IL4R: variants seen among roughly 807,000 people sequenced by gnomAD.
IL4R encodes the protein interleukin 4 receptor.
In IL4R, 17 loss-of-function variants were observed where a neutral mutation model predicts 41.5. That is an observed-to-expected ratio of 0.41 (90% CI 0.28 to 0.61). IL4R has a LOEUF of 0.61. IL4R is among the 20% of genes least tolerant of loss of function. The pLI is 0.31. For synonymous variants in IL4R, 402 were observed against 422.9 expected, an observed-to-expected ratio of 0.95 and a Z score of 0.61; for missense variants, 974 against 1,043.1, an observed-to-expected ratio of 0.93 and a Z score of 0.91.
intron 1 of IL4R, among the ~76,000 whole-genome samples, chr16:27,317,478 G>A (rs373856853): frequency 2.0e-5 from 3 of 152,270 alleles, no homozygotes; most frequent in Admixed American, 6.5e-5. Context: ...ACTTACCATG[G>A]CTGGGCTAGA....
intron 1 of IL4R, among the ~76,000 whole-genome samples, chr16:27,317,698 C>G (rs2084687484): frequency 6.6e-6 from 1 of 152,124 alleles, no homozygotes; most frequent in African/African-American, 2.4e-5. Context: ...AGAGGGGATC[C>G]CAGGTTTAAA....
Position 27,363,732 on chromosome 16 carries a change from T to C in IL4R, c.2380T>C (p.Ser794Pro). The C allele has an allele frequency of 6.2e-7, 1 of 1,613,544 alleles. No individual in the cohort carries two copies. ...GISEKSKSSS[S>P]FHPAPGNAQS... ...CTCAGAGAAGAGTAAATCCTCATCA[T>C]CCTTCCATCCTGCCCCTGGCAATGC... Residue 794 changes from serine (S) to proline (P), a missense_variant, in exon 11 of 11, where the codon TCC becomes CCC. Physicochemically the swap from Ser to Pro is moderately conservative, Grantham distance 74 (BLOSUM62 -1). Coordinates refer to ENST00000395762, the MANE Select transcript of IL4R (RefSeq NM_000418.4).
intron 1 of IL4R, among the ~76,000 whole-genome samples, chr16:27,326,328 A>G (rs1200046146): frequency 1.3e-5 from 2 of 152,184 alleles, no homozygotes; most frequent in African/African-American, 2.4e-5. Context: ...AGTACTTGGA[A>G]AACACCCACA....
At chr16:27,360,615 C>A in intron 9 of IL4R, 151 bp from the exon 10 acceptor site, 1 of 960,698 alleles carries the variant, frequency 1.0e-6, no homozygotes. Flanking sequence ...GTAATTAATT[C>A]CCAGGAATCT....
chr16:27,343,675 G>A (rs371617469), intron 4 of IL4R, among the ~76,000 whole-genome samples: 2 of 152,232 alleles, frequency 1.3e-5, no homozygotes, highest in South Asian at 2.1e-4. Context: ...TGATCCACCC[G>A]CCTCAGCGTC....
At chr16:27,337,920 A>C (rs1056480541) in intron 2 of IL4R, among the ~76,000 whole-genome samples, 1 of 142,732 alleles carries the variant, frequency 7.0e-6, no homozygotes, top group Non-Finnish European at 1.5e-5. Flanking sequence ...TACACACTTG[A>C]CTCCGTGAGA....
At chr16:27,314,182 G>T in intron 1 of IL4R, 162 bp downstream of exon 1, 3 of 884,908 alleles carry the variant, frequency 3.4e-6, no homozygotes, top group Non-Finnish European at 4.1e-6. Flanking sequence ...GCGGAGCAGC[G>T]CCCGGTTCCG....
intron 1 of IL4R, 39 bp downstream of exon 1, chr16:27,314,059 G>C (rs1429284915): frequency 1.0e-6 from 1 of 984,962 alleles, no homozygotes; most frequent in Admixed American, 6.2e-5. Context: ...GGTTGCGAAG[G>C]TATCGCCCGG....
chr16:27,323,301 C>T (rs1414124611), intron 1 of IL4R, among the ~76,000 whole-genome samples: 1 of 152,226 alleles, frequency 6.6e-6, no homozygotes, highest in Non-Finnish European at 1.5e-5. Flanking sequence ...CCTGCTCCGT[C>T]ACCATCACCT....
chr16:27,339,749 C>A lies in IL4R; in HGVS notation c.-18-437C>A, dbSNP rs534454414. 3.3e-5 allele frequency among the ~76,000 whole-genome samples: 5 copies of A among 152,060 alleles called. No individual in the cohort carries two copies. In the East Asian group the frequency reaches 9.7e-4, roughly 29 times the overall value. ...GTGAACGTGGAGGACCTGTTGTCGG[C>A]AGAGACACAAATGGCCAGGGCATGG... On this transcript the variant is annotated intron_variant, in intron 2 of 10. Transcript: ENST00000395762.
At chr16:27,323,715 G>A (rs1337590441) in intron 1 of IL4R, among the ~76,000 whole-genome samples, 1 of 151,968 alleles carries the variant, frequency 6.6e-6, no homozygotes, top group African/African-American at 2.4e-5. Flanking sequence ...GAGTGCAGTG[G>A]CATGATCACA....
In IL4R at chr16:27,340,227, C is replaced by T. The variant is rs2085397025; in HGVS notation, c.24C>T (p.Leu8=). 1.2e-5 allele frequency: 19 copies of T among 1,613,866 alleles called. No individual in the cohort carries two copies. Among genetic ancestry groups the T allele is most frequent in the Non-Finnish European group, 1.6e-5 (19 of 1,179,986 alleles). MGWLCSG[L]LFPVSCLVLL... is the part of the protein sequence containing the mutation. ...CAATGGGGTGGCTTTGCTCTGGGCT[C>T]CTGTTCCCTGTGAGCTGCCTGGTCC... is the stretch of plus-strand genomic sequence containing the variant. The change falls in exon 3 of 11, where the codon CTC becomes CTT. Residue 8 remains leucine, a synonymous_variant. Coordinates refer to ENST00000395762, the MANE Select transcript of IL4R (RefSeq NM_000418.4).
intron 7 of IL4R, among the ~76,000 whole-genome samples, chr16:27,353,774 C>T (rs2085958144): frequency 6.6e-6 from 1 of 152,154 alleles, no homozygotes; most frequent in African/African-American, 2.4e-5. Context: ...GCTGGGATTA[C>T]AAGTGGGAGC....
rs544633777 is a variant in IL4R at position 27,328,412 on chromosome 16, C to T, written c.-151-1654C>T. On this transcript the variant is annotated intron_variant, in intron 1 of 10. Transcript: ENST00000395762. The stretch of plus-strand genomic sequence containing the variant: ...GAATACAGGCACCCACCATCATGCC[C>T]GGCTAATTTTTGTATTTTTGTAGAG... Among the ~76,000 whole-genome samples the T allele has an allele frequency of 9.2e-5, 14 of 151,924 alleles. No individual in the cohort carries two copies. In the East Asian group the frequency reaches 2.1e-3, roughly 23 times the overall value.
At chr16:27,353,025 T>C (rs2141182616) in intron 7 of IL4R, among the ~76,000 whole-genome samples, 1 of 152,354 alleles carries the variant, frequency 6.6e-6, no homozygotes, top group South Asian at 2.1e-4. Context: ...TGTGGTGCCG[T>C]CATTCTCCAG....
chr16:27,351,804 C>T (rs146326076), intron 6 of IL4R, among the ~76,000 whole-genome samples: 2 of 152,172 alleles, frequency 1.3e-5, no homozygotes, highest in Admixed American at 1.3e-4. Flanking sequence ...CATGAGCCAC[C>T]ATGCCCAGCC....
intron 7 of IL4R, chr16:27,355,350 A>T (rs2086024317): frequency 6.6e-6 from 2 of 302,534 alleles, no homozygotes; most frequent in African/African-American, 2.2e-5. Context: ...AATGATGTGG[A>T]CAGGCCACTC....
intron 1 of IL4R, among the ~76,000 whole-genome samples, chr16:27,322,065 A>G (rs978261883): frequency 6.7e-6 from 1 of 149,332 alleles, no homozygotes; most frequent in Non-Finnish European, 1.5e-5. Flanking sequence ...TGATCAAGCT[A>G]GCTATTATAT....
At chr16:27,344,820 C>T in intron 4 of IL4R, 49 bp from the exon 5 acceptor site, 1 of 1,596,896 alleles carries the variant, frequency 6.3e-7, no homozygotes, top group Non-Finnish European at 8.6e-7. Flanking sequence ...AGCTGTGGGG[C>T]CCAGCCAGCC....
Sources: allele counts gnomAD v4.1 joint callset (sites outside exome capture counted in the v4.1 genomes callset), GRCh38; gene constraint gnomAD v4.1.1; transcripts MANE v1.5; gene names NCBI Gene and HGNC (gene_info 2026-07-23, HGNC 2026-07-21).